Variants in AQR observed in about 807,000 individuals in gnomAD.
AQR encodes RNA helicase aquarius.
Under a neutral mutation model 180.5 loss-of-function variants are expected in AQR, and 61 were observed. The observed-to-expected ratio is 0.34, with a 90% CI of 0.28 to 0.42. The LOEUF is 0.42. Ranked by LOEUF, AQR falls within the 10% of genes least tolerant of loss-of-function variation. The pLI is 1.00. For missense variants in AQR, 1,281 were observed against 1,798.3 expected, an observed-to-expected ratio of 0.71 and a Z score of 5.20; for synonymous variants, 551 against 588.8, an observed-to-expected ratio of 0.94 and a Z score of 0.93.
intron 3 of AQR, among the ~76,000 whole-genome samples, chr15:34,957,181 G>A (rs1381924617): frequency 2.0e-5 from 3 of 151,694 alleles, no homozygotes; most frequent in African/African-American, 7.3e-5. Context: ...TTTTCAGACG[G>A]AGTCTTGCTC....
At chr15:34,878,102 T>C (rs1392044346) in intron 27 of AQR, among the ~76,000 whole-genome samples, 1 of 152,082 alleles carries the variant, frequency 6.6e-6, no homozygotes, top group Non-Finnish European at 1.5e-5. Flanking sequence ...AATGGAGGTA[T>C]CTTGTGGTGC....
chr15:34,899,552 T>G (rs973435211), intron 20 of AQR, among the ~76,000 whole-genome samples: 18 of 151,632 alleles, frequency 1.2e-4, no homozygotes, highest in Non-Finnish European at 1.8e-4. Flanking sequence ...TTTTTTTTTT[T>G]TTAATAGAGA....
chr15:34,920,001 A>G (rs1893660115), intron 14 of AQR, among the ~76,000 whole-genome samples: 1 of 152,238 alleles, frequency 6.6e-6, no homozygotes, highest in Non-Finnish European at 1.5e-5. Flanking sequence ...ATTAATTCCA[A>G]AAACCTTACT....
At chr15:34,904,934 A>G (rs1459787883) in intron 18 of AQR, among the ~76,000 whole-genome samples, 1 of 151,956 alleles carries the variant, frequency 6.6e-6, no homozygotes, top group Admixed American at 6.6e-5. Flanking sequence ...TCTATTCATT[A>G]ATTCCTTAAT....
At position 34,853,133 on chromosome 15, in the gene AQR, T is replaced by C. The variant is rs917926725; in HGVS notation, c.*3659A>G. 6.6e-6 allele frequency: 1 copy of C among 152,228 alleles called. No individual in the cohort carries two copies. Among genetic ancestry groups the C allele is most frequent in the African/African-American group, 2.4e-5 (1 of 41,464 alleles). 9.4% of individuals were successfully genotyped at this position (152,228 alleles called of 1,614,324 possible). On this transcript the variant is annotated 3_prime_UTR_variant, in exon 35 of 35. Transcript: ENST00000156471. ...GCTCAGTACAGCTCCAGTTCCATTA[T>C]TCTTAAACATCTATTAACATGATTG...
chr15:34,894,183 C>T (rs1893196241), intron 22 of AQR, among the ~76,000 whole-genome samples: 1 of 151,792 alleles, frequency 6.6e-6, no homozygotes, highest in Non-Finnish European at 1.5e-5. Flanking sequence ...CCAAAGAAAT[C>T]CAAGCCCAGA....
intron 4 of AQR, 109 bp from the exon 5 acceptor site, chr15:34,948,493 G>A (rs553290038): frequency 1.4e-6 from 2 of 1,395,048 alleles, no homozygotes; most frequent in African/African-American, 2.9e-5. Context: ...AAATATTTTG[G>A]AAATCTCTAT....
rs2140452718 is a variant in AQR at position 34,852,435 on chromosome 15, T to C, written c.*4357A>G. ...ATCCGCCCGCCTGGGCCTCCCAAAGTGCTGGGATTACAGGCGTGAGCCACT... is the reference window on the plus strand; with the variant it reads ...ATCCGCCCGCCTGGGCCTCCCAAAGCGCTGGGATTACAGGCGTGAGCCACT... On this transcript the variant is annotated 3_prime_UTR_variant, in exon 35 of 35. Coordinates refer to ENST00000156471, the MANE Select transcript of AQR (RefSeq NM_014691.3). 1 of 152,366 alleles carries C rather than the reference T, an allele frequency of 6.6e-6. No homozygotes were observed. The highest frequency in any genetic ancestry group is 6.5e-5 in the Admixed American group (1 of 15,300). 9.4% of individuals were successfully genotyped at this position (152,366 alleles called of 1,614,324 possible).
chr15:34,934,478 A>T, intron 10 of AQR, 93 bp downstream of exon 10: 1 of 726,330 alleles, frequency 1.4e-6, no homozygotes, highest in African/African-American at 1.9e-5. Context: ...TTGAAAAGAA[A>T]AGGAAAGAAA....
chr15:34,892,322 T>C (rs2140472053), intron 23 of AQR, among the ~76,000 whole-genome samples: 1 of 152,304 alleles, frequency 6.6e-6, no homozygotes, highest in East Asian at 1.9e-4. Context: ...CCAGTATCAA[T>C]GCACTTTAGA....
intron 16 of AQR, among the ~76,000 whole-genome samples, chr15:34,912,660 C>G (rs901446990): frequency 5.3e-5 from 8 of 151,226 alleles, no homozygotes; most frequent in Non-Finnish European, 1.2e-4. Flanking sequence ...AAAAAACAAG[C>G]TAGTTGTAAT....
At chr15:34,918,003 C>A (rs1464784941) in intron 15 of AQR, among the ~76,000 whole-genome samples, 1 of 151,820 alleles carries the variant, frequency 6.6e-6, no homozygotes, top group African/African-American at 2.4e-5. Flanking sequence ...ACAAAAAAAA[C>A]CAAAACAGTC....
intron 25 of AQR, 115 bp downstream of exon 25, chr15:34,886,411 A>C (rs900640877): frequency 7.0e-5 from 74 of 1,060,228 alleles, no homozygotes; most frequent in Non-Finnish European, 9.3e-5. Flanking sequence ...AATACCATAC[A>C]TTCTAATCTA....
At chr15:34,937,855 T>G (rs8029192) in intron 9 of AQR, among the ~76,000 whole-genome samples, 96,430 of 151,142 alleles carry the variant, frequency 0.64, 32,071 homozygotes, top group South Asian at 0.75. Flanking sequence ...CTGCACTCCA[T>G]CCTGGCTGAC....
intron 3 of AQR, 56 bp from the exon 4 acceptor site, chr15:34,952,976 G>A: frequency 1.9e-6 from 2 of 1,044,642 alleles, no homozygotes; most frequent in Non-Finnish European, 2.8e-6. Context: ...ACGTTTCAGA[G>A]TTATTAACAC....
chr15:34,942,530 A>G (rs2140497649), intron 6 of AQR, among the ~76,000 whole-genome samples: 1 of 152,224 alleles, frequency 6.6e-6, no homozygotes, highest in East Asian at 1.9e-4. Context: ...TAAAATGGCA[A>G]CAAGCCCAAG....
chr15:34,902,394 T>C (rs1595791792), intron 19 of AQR, among the ~76,000 whole-genome samples: 1 of 152,270 alleles, frequency 6.6e-6, no homozygotes, highest in East Asian at 1.9e-4. Flanking sequence ...AGATACATAA[T>C]GAAACACCAA....
At chr15:34,949,597 C>A (rs1894184666) in intron 4 of AQR, among the ~76,000 whole-genome samples, 3 of 92,246 alleles carry the variant, frequency 3.3e-5, no homozygotes, top group Admixed American at 3.0e-4. Context: ...AACAGTGAGA[C>A]TCCGTCACAA....
At position 34,905,417 on chromosome 15, in the gene AQR, A is replaced by G. The variant is rs138882826; in HGVS notation, c.1832-912T>C. Among the ~76,000 whole-genome samples the G allele has an allele frequency of 3.1e-3, 465 of 152,192 alleles. 3 individuals carry two copies. The highest frequency in any genetic ancestry group is 0.014 in the Middle Eastern group (4 of 294). ...ATTTCAAAGGGATAATAAGTGATAC[A>G]CATAAGAAATCAAATAACTGACTAA... On this transcript the variant is annotated intron_variant, in intron 18 of 34. Transcript: ENST00000156471.
Sources: gnomAD v4.1 joint callset for allele counts (sites outside exome capture counted in the v4.1 genomes callset) on GRCh38, gnomAD v4.1.1 for gene constraint, MANE v1.5 for transcripts, NCBI Gene and HGNC (gene_info 2026-07-23, HGNC 2026-07-21) for gene names.